SBF2: variants seen among roughly 807,000 people sequenced by gnomAD.
The protein encoded by SBF2 is SET binding factor 2.
Under a neutral mutation model 225.2 loss-of-function variants are expected in SBF2, and 112 were observed. The ratio of observed to expected loss-of-function variants is 0.50; its 90% CI spans 0.43 to 0.58. The LOEUF (loss-of-function observed/expected upper bound fraction) is 0.58, where lower values mean the gene tolerates loss of function less well. SBF2 is among the 20% of genes least tolerant of loss of function. The pLI is 0.00. For synonymous variants in SBF2, 763 were observed against 773.3 expected, an observed-to-expected ratio of 0.99 and a Z score of 0.22; for missense variants, 1,996 against 2,206.2, an observed-to-expected ratio of 0.90 and a Z score of 1.91.
intron 8 of SBF2, among the ~76,000 whole-genome samples, chr11:9,999,152 TTATACTTC>T (rs1947834597): frequency 6.6e-6 from 1 of 152,204 alleles, no homozygotes; most frequent in Non-Finnish European, 1.5e-5. Flanking sequence ...ATTGACAATA[TTATACTTC>T]ATTCTAATTT....
chr11:9,913,840 C>T (rs1053290694), intron 16 of SBF2, among the ~76,000 whole-genome samples: 2 of 152,142 alleles, frequency 1.3e-5, no homozygotes, highest in African/African-American at 4.8e-5. Flanking sequence ...TAAAGGCCTA[C>T]TTACAGCAGC....
chr11:10,017,830 A>G (rs930146337), intron 6 of SBF2, among the ~76,000 whole-genome samples: 1 of 152,182 alleles, frequency 6.6e-6, no homozygotes, highest in African/African-American at 2.4e-5. Flanking sequence ...AATAATTCAA[A>G]TACATAAAAG....
intron 17 of SBF2, among the ~76,000 whole-genome samples, chr11:9,886,996 G>C (rs1860376805): frequency 2.6e-5 from 4 of 152,060 alleles, no homozygotes; most frequent in Non-Finnish European, 5.9e-5. Flanking sequence ...TCAGGACGTG[G>C]TAGCATAGGA....
chr11:10,081,128 T>C (rs1476746536), intron 2 of SBF2, among the ~76,000 whole-genome samples: 1 of 152,106 alleles, frequency 6.6e-6, no homozygotes, highest in Admixed American at 6.5e-5. Flanking sequence ...ACAAGGAATA[T>C]ATCAACAGAT....
At chr11:10,204,028 A>G (rs1957660873) in intron 1 of SBF2, among the ~76,000 whole-genome samples, 3 of 152,034 alleles carry the variant, frequency 2.0e-5, no homozygotes, top group Admixed American at 2.0e-4. Flanking sequence ...CACTGATCAT[A>G]GAAGCTCATC....
chr11:9,840,144 G>A (rs1297871134), intron 25 of SBF2, among the ~76,000 whole-genome samples: 2 of 151,736 alleles, frequency 1.3e-5, no homozygotes, highest in Non-Finnish European at 2.9e-5. Context: ...TGAGGCAGGA[G>A]AATCACTTGA....
intron 2 of SBF2, among the ~76,000 whole-genome samples, chr11:10,099,746 G>A (rs1238468747): frequency 6.6e-6 from 1 of 151,780 alleles, no homozygotes; most frequent in African/African-American, 2.4e-5. Context: ...TGTATGTGAG[G>A]GAATTTAAGA....
chr11:10,200,911 A>G (rs1957547367), intron 1 of SBF2, among the ~76,000 whole-genome samples: 3 of 152,218 alleles, frequency 2.0e-5, no homozygotes, highest in African/African-American at 7.2e-5. Flanking sequence ...GCATAAGTCC[A>G]ATTATAATTT....
In SBF2 at chr11:10,224,708, T is replaced by C. The variant is rs140719711; in HGVS notation, c.56-30721A>G. 2.6e-5 allele frequency among the ~76,000 whole-genome samples: 4 copies of C among 152,198 alleles called. No individual in the cohort carries two copies. The South Asian group carries it at 8.3e-4, about 31-fold the overall frequency. ...CGAATTCTTCACATGTTAGTTTGTA[T>C]GTCACCTCTTCAGAGTACCTACCCT... On this transcript the variant is annotated intron_variant, in intron 1 of 39. Coordinates refer to ENST00000256190, the MANE Select transcript of SBF2 (RefSeq NM_030962.4).
intron 16 of SBF2, among the ~76,000 whole-genome samples, chr11:9,940,732 T>C (rs941224805): frequency 6.6e-6 from 1 of 152,102 alleles, no homozygotes; most frequent in South Asian, 2.1e-4. Context: ...TAAGGACTCA[T>C]TGTGAACTCA....
chr11:9,889,116 C>T (rs1295409390), intron 17 of SBF2, among the ~76,000 whole-genome samples: 1 of 152,098 alleles, frequency 6.6e-6, no homozygotes, highest in Non-Finnish European at 1.5e-5. Flanking sequence ...TGGGGGAATA[C>T]CTAGAGTCTG....
rs1411511881 is a variant in SBF2 at position 10,085,967 on chromosome 11, C to A, written c.142-42986G>T. On this transcript the variant is annotated intron_variant, in intron 2 of 39. Transcript: ENST00000256190. ...ATAGTATGTCAGCTGTCCTTCCCCC[C>A]ACCCCCCACCCCAGGTATCCTCAGG... Among the ~76,000 whole-genome samples, 3 of 96,090 alleles carry A rather than the reference C, an allele frequency of 3.1e-5. No individual in the cohort carries two copies. In the Admixed American group the frequency reaches 5.0e-4, roughly 16 times the overall value. The allele number at this position is 96,090 out of a possible 152,430, so 63.0% of individuals were successfully genotyped here. A position where few individuals can be genotyped will look rare whatever the true frequency, so the allele number is the denominator to read the frequency against.
At chr11:10,170,938 A>G (rs1956157885) in intron 2 of SBF2, among the ~76,000 whole-genome samples, 1 of 151,880 alleles carries the variant, frequency 6.6e-6, no homozygotes, top group Non-Finnish European at 1.5e-5. Flanking sequence ...TTTTTTTCAG[A>G]TAGTTCACTG....
intron 6 of SBF2, among the ~76,000 whole-genome samples, chr11:10,006,412 T>G (rs1290096470): frequency 1.3e-5 from 2 of 152,232 alleles, no homozygotes; most frequent in Non-Finnish European, 2.9e-5. Context: ...ACTTACCATA[T>G]GCTTTTTGTT....
At chr11:9,951,284 A>T (rs780851551) in intron 16 of SBF2, among the ~76,000 whole-genome samples, 4 of 152,248 alleles carry the variant, frequency 2.6e-5, no homozygotes, top group Non-Finnish European at 5.9e-5. Flanking sequence ...TTTACTATGA[A>T]GGCAAAGGAT....
chr11:10,040,723 T>C (rs1277091941), intron 3 of SBF2, among the ~76,000 whole-genome samples: 4 of 151,090 alleles, frequency 2.6e-5, no homozygotes, highest in Non-Finnish European at 5.9e-5. Flanking sequence ...TACTAAAGAA[T>C]TTAGGTGTGT....
chr11:10,114,322 T>C (rs1292015067), intron 2 of SBF2, among the ~76,000 whole-genome samples: 1 of 152,220 alleles, frequency 6.6e-6, no homozygotes, highest in African/African-American at 2.4e-5. Context: ...ATCTCATGTT[T>C]TTCTTTAATT....
At chr11:10,265,514 G>A in intron 1 of SBF2, among the ~76,000 whole-genome samples, 1 of 102,750 alleles carries the variant, frequency 9.7e-6, no homozygotes, top group Non-Finnish European at 1.9e-5. Flanking sequence ...AGAGGTGGGG[G>A]GGTATCAACA....
chr11:10,097,505 A>C (rs1291247670), intron 2 of SBF2, among the ~76,000 whole-genome samples: 1 of 152,234 alleles, frequency 6.6e-6, no homozygotes, highest in South Asian at 2.1e-4. Context: ...AACAAAATTT[A>C]AAATATTCCA....
Sources: allele counts gnomAD v4.1 joint callset (sites outside exome capture counted in the v4.1 genomes callset), GRCh38; gene constraint gnomAD v4.1.1; transcripts MANE v1.5; gene names NCBI Gene and HGNC (gene_info 2026-07-23, HGNC 2026-07-21).